The following ARFGEF1 variants were observed in gnomAD, a reference collection of about 807,000 sequenced individuals.
ARFGEF1 encodes the protein ARF guanine nucleotide exchange factor 1.
ARFGEF1 carries 42 observed loss-of-function variants against 231.0 expected under a neutral mutation model. That is an observed-to-expected ratio of 0.18 (90% CI 0.14 to 0.24). ARFGEF1 has a LOEUF of 0.24. Ranked by LOEUF, ARFGEF1 falls within the 10% of genes least tolerant of loss-of-function variation. ARFGEF1 has a pLI of 1.00. For synonymous variants in ARFGEF1, 710 were observed against 732.3 expected (o/e 0.97, Z 0.49); for missense variants, 1,345 against 2,192.0 (o/e 0.61, Z 7.72).
At chr8:67,210,154 C>CAAAAAAAAAAAA in intron 34 of ARFGEF1, among the ~76,000 whole-genome samples, 1 of 53,876 alleles carries the variant, frequency 1.9e-5, no homozygotes, top group Non-Finnish European at 4.1e-5. Context: ...GACTCCGTCT[C>CAAAAAAAAAAAA]AAAAAAAAAA....
chr8:67,185,701 A>G (rs1208324681), intron 5 of ARFGEF1, among the ~76,000 whole-genome samples: 1 of 152,222 alleles, frequency 6.6e-6, no homozygotes, highest in Non-Finnish European at 1.5e-5. Flanking sequence ...GCAAGGTTCC[A>G]AAGAAAAAAG....
chr8:67,337,128 CAAAAAAAAAAAA>C (rs1160016610), intron 1 of ARFGEF1, among the ~76,000 whole-genome samples: 4 of 55,000 alleles, frequency 7.3e-5, no homozygotes, highest in Admixed American at 4.9e-4. Context: ...GACGCCGTCT[CAAAAAAAAAAAA>C]AAAAAAAAAA....
rs553642733 is a variant in ARFGEF1, at chr8:67,247,543, T to A, written c.2850+3756A>T. On this transcript the variant is annotated intron_variant, in intron 19 of 38. Transcript: ENST00000262215. ...CATTTGATAAAAACTCTCAAAGAAG[T>A]AGGTATAGAAGGAATATTCCTCAAC... Among the ~76,000 whole-genome samples, 6 of 150,156 alleles carry A rather than the reference T, an allele frequency of 4.0e-5. 1 individual carries two copies. The South Asian group carries it at 1.3e-3, about 32-fold the overall frequency.
At chr8:67,302,325 A>G (rs1239039871) in intron 2 of ARFGEF1, 111 bp downstream of exon 2, 1 of 620,856 alleles carries the variant, frequency 1.6e-6, no homozygotes, top group Non-Finnish European at 2.6e-6. Context: ...TTTTACTATA[A>G]AACTCACATG....
Position 67,184,294 on chromosome 8 carries a change from A to C in ARFGEF1, c.561-8722T>G, listed in dbSNP as rs193113079. Among the ~76,000 whole-genome samples, 400 of 152,374 alleles carry C rather than the reference A, an allele frequency of 2.6e-3. 2 individuals carry two copies. Among genetic ancestry groups the C allele is most frequent in the Middle Eastern group, 0.01 (3 of 294 alleles). ...AATTAAATCCAAAGTAAGCAGAAGA[A>C]GAGAAATAAAAATTGGAGCAGAAAT... On this transcript the variant is annotated intron_variant, in intron 5 of 5. Coordinates refer to the ARFGEF1 transcript ENST00000518789.
intron 1 of ARFGEF1, 71 bp downstream of exon 1, chr8:67,343,093 A>ACCCCCCCCCAGGGGCCCCCCCCCCC: frequency 5.4e-6 from 1 of 184,674 alleles, no homozygotes; most frequent in Non-Finnish European, 1.0e-5. Flanking sequence ...GGGCGACCCC[A>ACCCCCCCCCAGGGGCCCCCCCCCCC]CCCCCCCACA....
chr8:67,294,615 A>AAG (rs1193365996), intron 5 of ARFGEF1, among the ~76,000 whole-genome samples: 4 of 152,170 alleles, frequency 2.6e-5, no homozygotes, highest in Admixed American at 2.0e-4. Context: ...TTGTTTAGAG[A>AAG]AAGAAGTTTA....
At chr8:67,204,585 C>A in intron 35 of ARFGEF1, 95 bp downstream of exon 35, 1 of 1,403,360 alleles carries the variant, frequency 7.1e-7, no homozygotes, top group South Asian at 1.5e-5. Context: ...ATGAAGGCCC[C>A]ACAAACTAAT....
At chr8:67,271,025 C>CAAAAAAAAAAAAAAAAAAAAA (rs36063944) in intron 10 of ARFGEF1, among the ~76,000 whole-genome samples, 8 of 36,090 alleles carry the variant, frequency 2.2e-4, no homozygotes, top group East Asian at 9.4e-4. Context: ...ACTCCATCTC[C>CAAAAAAAAAAAAAAAAAAAAA]AAAAAAAAAA....
rs200405203 is a variant in ARFGEF1 at position 67,276,157 on chromosome 8, T to A, written c.1204-48A>T. ...AAAATTTTAGAGATATTTGCCAGTGTAAAATCGCTTCAGCCTTCTACTGTA... is the reference window on the plus strand; with the variant it reads ...AAAATTTTAGAGATATTTGCCAGTGAAAAATCGCTTCAGCCTTCTACTGTA... On this transcript the variant is annotated intron_variant, in intron 8 of 38. Coordinates refer to ENST00000262215, the MANE Select transcript of ARFGEF1 (RefSeq NM_006421.5). 4.0e-5 allele frequency: 64 copies of A among 1,599,012 alleles called. No homozygotes were observed. The African/African-American group carries it at 8.3e-4, about 21-fold the overall frequency.
chr8:67,222,383 A>C (rs923134191), intron 29 of ARFGEF1, among the ~76,000 whole-genome samples: 2 of 150,096 alleles, frequency 1.3e-5, no homozygotes, highest in Non-Finnish European at 3.0e-5. Flanking sequence ...CTCATGCCTC[A>C]CCTTCCCAAG....
At chr8:67,256,839 T>C (rs996201590) in intron 17 of ARFGEF1, among the ~76,000 whole-genome samples, 1 of 152,154 alleles carries the variant, frequency 6.6e-6, no homozygotes, top group Non-Finnish European at 1.5e-5. Context: ...ATTTTTAAAT[T>C]ATTGTTAACT....
At chr8:67,264,153 GA>G (rs1424652248) in intron 14 of ARFGEF1, among the ~76,000 whole-genome samples, 1 of 152,000 alleles carries the variant, frequency 6.6e-6, no homozygotes, top group Non-Finnish European at 1.5e-5. Flanking sequence ...TTTCATTCAA[GA>G]AAGGTTACTC....
chr8:67,334,482 G>A (rs374400776), intron 1 of ARFGEF1, among the ~76,000 whole-genome samples: 1 of 152,174 alleles, frequency 6.6e-6, no homozygotes, highest in East Asian at 1.9e-4. Context: ...CTCATACACT[G>A]CTGGTGGGTA....
At chr8:67,222,774 T>C (rs1009845466) in intron 29 of ARFGEF1, among the ~76,000 whole-genome samples, 2 of 151,722 alleles carry the variant, frequency 1.3e-5, no homozygotes, top group Non-Finnish European at 2.9e-5. Flanking sequence ...TTAGTAGAGA[T>C]GGGGTTTCAC....
chr8:67,221,872 G>C (rs1344301309), intron 29 of ARFGEF1, among the ~76,000 whole-genome samples: 1 of 150,082 alleles, frequency 6.7e-6, no homozygotes, highest in Non-Finnish European at 1.5e-5. Flanking sequence ...GGAGTGCAGT[G>C]GCATGATCTC....
Position 67,343,444 on chromosome 8 carries a change from C to T in ARFGEF1, c.-157G>A. The T allele has an allele frequency of 1.5e-6, 2 of 1,364,058 alleles. No homozygotes were observed. Among genetic ancestry groups the T allele is most frequent in the South Asian group, 1.8e-5 (1 of 55,460 alleles). The allele number at this position is 1,364,058 out of a possible 1,614,324, so 84.5% of individuals were successfully genotyped here. On this transcript the variant is annotated 5_prime_UTR_variant, in exon 1 of 39. Coordinates refer to ENST00000262215, the MANE Select transcript of ARFGEF1 (RefSeq NM_006421.5). ...AGCGGCAGGATCAGGAAGGGGCGGG[C>T]GAGCGGGACCAGCCGCGGTGTCGGC...
At chr8:67,311,045 C>T (rs1333358799) in intron 1 of ARFGEF1, among the ~76,000 whole-genome samples, 9 of 147,084 alleles carry the variant, frequency 6.1e-5, no homozygotes, top group African/African-American at 2.0e-4. Context: ...CGCCTCTGCC[C>T]GGCCACCCCT....
At chr8:67,313,920 C>T (rs1433527348) in intron 1 of ARFGEF1, among the ~76,000 whole-genome samples, 1 of 152,058 alleles carries the variant, frequency 6.6e-6, no homozygotes, top group Admixed American at 6.6e-5. Flanking sequence ...AGCTCAGACT[C>T]TTCTTGGGTG....
Sources: gnomAD v4.1 joint callset for allele counts (sites outside exome capture counted in the v4.1 genomes callset) on GRCh38, gnomAD v4.1.1 for gene constraint, MANE v1.5 for transcripts, NCBI Gene and HGNC (gene_info 2026-07-23, HGNC 2026-07-21) for gene names.